The following SEC16B variants were observed in gnomAD, a reference collection of about 807,000 sequenced individuals.
SEC16B encodes the protein protein transport protein Sec16B.
Under a neutral mutation model 141.8 loss-of-function variants are expected in SEC16B, and 115 were observed. The ratio of observed to expected loss-of-function variants is 0.81; its 90% CI spans 0.70 to 0.95. SEC16B has a LOEUF of 0.95. SEC16B is among the 40% of genes least tolerant of loss of function. The pLI, the probability that SEC16B is intolerant of heterozygous loss-of-function variation, is 0.00. For missense variants in SEC16B, 1,291 were observed against 1,312.3 expected (o/e 0.98, Z 0.25); for synonymous variants, 493 against 492.5 (o/e 1.00, Z -0.01).
At chr1:177,952,037 AC>A in intron 11 of SEC16B, 42 bp from the exon 12 acceptor site, 3 of 1,527,342 alleles carry the variant, frequency 2.0e-6, no homozygotes, top group Non-Finnish European at 2.7e-6. Context: ...AGCCCAGGGA[AC>A]CTCTTTACCC....
chr1:177,946,500 G>A lies in SEC16B; in HGVS notation c.1695C>T (p.Phe565=), dbSNP rs989127380. 1 of 1,583,336 alleles carries A rather than the reference G, an allele frequency of 6.3e-7. No individual in the cohort carries two copies. Among genetic ancestry groups the A allele is most frequent in the Non-Finnish European group, 8.6e-7 (1 of 1,165,464 alleles). Residue 565 remains phenylalanine, a synonymous_variant, in exon 14 of 26, where the codon TTC becomes TTT. Transcript: ENST00000308284. ...AGKGLVEAAH[F]CYLMAHVPFG... Reference sequence around the variant, plus strand: ...AGGGCACGTGAGCCATGAGATAGCAGAAGTGAGCTGCCTCCACAAGCCCCT... The same window carrying A: ...AGGGCACGTGAGCCATGAGATAGCAAAAGTGAGCTGCCTCCACAAGCCCCT...
upstream of SEC16B, among the ~76,000 whole-genome samples, chr1:177,971,031 C>G (rs1294291978): frequency 6.6e-6 from 1 of 151,982 alleles, no homozygotes; most frequent in African/African-American, 2.4e-5. Flanking sequence ...CCTCAGCTGA[C>G]TCTAGAACCC....
At position 177,933,558 on chromosome 1, in the gene SEC16B, C is replaced by G; in HGVS notation, c.2650G>C (p.Asp884His). 1 of 1,613,984 alleles carries G rather than the reference C, an allele frequency of 6.2e-7. No homozygotes were observed. The highest frequency in any genetic ancestry group is 8.5e-7 in the Non-Finnish European group (1 of 1,179,872). ...CGGGGAGAGTTTTTATCAGCCTCAT[C>G]AGAGGACTCCTTCTCATCCTCCTTG... ...SAKEDEKESS[D>H]EADKNSPRNT... The change falls in exon 21 of 26, where the codon GAT becomes CAT. Residue 884 changes from aspartate to histidine, a missense_variant. Transcript: ENST00000308284.
At chr1:177,971,429 T>C (rs1226895984), upstream of SEC16B, 2 of 152,162 alleles carry the variant, frequency 1.3e-5, no homozygotes, top group African/African-American at 2.4e-5. Flanking sequence ...GGCTCTCTAA[T>C]GGCTGCACTG....
intron 1 of SEC16B, among the ~76,000 whole-genome samples, chr1:177,983,496 G>A (rs542295036): frequency 6.6e-6 from 1 of 151,488 alleles, no homozygotes; most frequent in African/African-American, 2.4e-5. Flanking sequence ...TTTATGCAGA[G>A]CTGAACATCA....
upstream of SEC16B, among the ~76,000 whole-genome samples, chr1:177,974,009 T>C (rs563337626): frequency 6.6e-6 from 1 of 152,216 alleles, no homozygotes; most frequent in East Asian, 1.9e-4. Flanking sequence ...TATATATATA[T>C]ATGTTTATAA....
At chr1:177,932,648 G>A (rs1255838192) in intron 23 of SEC16B, 50 bp downstream of exon 23, 3 of 1,512,916 alleles carry the variant, frequency 2.0e-6, no homozygotes, top group East Asian at 2.4e-5. Context: ...CCAACCCTTG[G>A]GAGTGCTGAG....
At chr1:177,964,310 G>A in intron 4 of SEC16B, 31 bp from the exon 5 acceptor site, 2 of 1,535,920 alleles carry the variant, frequency 1.3e-6, no homozygotes, top group Non-Finnish European at 1.8e-6. Context: ...CAGTGAGCGG[G>A]GTCCTGGGCA....
chr1:177,933,114 G>A lies in SEC16B; in HGVS notation c.2823+100C>T, dbSNP rs79247037. On this transcript the variant is annotated intron_variant, in intron 22 of 25. Coordinates refer to ENST00000308284, the MANE Select transcript of SEC16B (RefSeq NM_033127.4). ...AAAACCTCTGTCTCATGTGGCCTGG[G>A]GTAGACTCAGGTGCCAGCTCTGAGA... The A allele has an allele frequency of 1.4e-3, 1,261 of 923,760 alleles. 13 individuals are homozygous for A. In the African/African-American group the frequency reaches 0.019, roughly 14 times the overall value. The allele number at this position is 923,760 out of a possible 1,614,324, so 57.2% of individuals were successfully genotyped here. A position where few individuals can be genotyped will look rare whatever the true frequency, so the allele number is the denominator to read the frequency against.
rs980314349 is a variant in SEC16B at position 177,962,944 on chromosome 1, T to C, written c.643-1210A>G. 4.1e-5 allele frequency among the ~76,000 whole-genome samples: 6 copies of C among 145,476 alleles called. 1 individual carries two copies. The highest frequency in any genetic ancestry group is 1.3e-4 in the African/African-American group (5 of 39,462). ...CAACATGGTGAAACCCCATCTCTACTAAAAAATACAAAAATTAGCTGGGCA... is the reference window on the plus strand; with the variant it reads ...CAACATGGTGAAACCCCATCTCTACCAAAAAATACAAAAATTAGCTGGGCA... On this transcript the variant is annotated intron_variant, in intron 5 of 25. Coordinates refer to ENST00000308284, the MANE Select transcript of SEC16B (RefSeq NM_033127.4).
In SEC16B at chr1:177,960,356, T is replaced by A; in HGVS notation, c.984A>T (p.Ser328=). 1 of 1,602,964 alleles carries A rather than the reference T, an allele frequency of 6.2e-7. No individual in the cohort carries two copies. The highest frequency in any genetic ancestry group is 8.5e-7 in the Non-Finnish European group (1 of 1,171,832). ...CAGCACTATACCTAATCAAGGGTCC[T>A]GAGAAACTTCTCATCTCCTCTTGCT... ...SEEQEEMRSF[S]GPLIREDVHK... The change falls in exon 8 of 26, where the codon TCA becomes TCT. Residue 328 remains serine (S), a synonymous_variant. Coordinates refer to ENST00000308284, the MANE Select transcript of SEC16B (RefSeq NM_033127.4).
At position 177,937,248 on chromosome 1, in the gene SEC16B, G is replaced by A. The variant is rs1005919240; in HGVS notation, c.2469C>T (p.Val823=). 5 of 1,613,670 alleles carry A rather than the reference G, an allele frequency of 3.1e-6. No homozygotes were observed. In the African/African-American group the frequency reaches 4.0e-5, roughly 13 times the overall value. ...VAVTEATGGT[V]WEEMLQTHLG... ...GGTGTGTCTGCAGCATTTCCTCCCAGACTGTTCCTCCAGTGGCCTCTGTCA... is the reference window on the plus strand; with the variant it reads ...GGTGTGTCTGCAGCATTTCCTCCCAAACTGTTCCTCCAGTGGCCTCTGTCA... Residue 823 remains valine (V), a synonymous_variant, in exon 19 of 26, where the codon GTC becomes GTT. Transcript: ENST00000308284.
intron 1 of SEC16B, 54 bp from the exon 2 acceptor site, chr1:177,968,093 T>C (rs1653700055): frequency 5.6e-6 from 6 of 1,072,996 alleles, no homozygotes; most frequent in African/African-American, 3.2e-5. Flanking sequence ...TATCCAAACA[T>C]AGTGGTTGAT....
intron 21 of SEC16B, 27 bp from the exon 22 acceptor site, chr1:177,933,339 A>G (rs774129357): frequency 3.2e-6 from 5 of 1,575,256 alleles, no homozygotes; most frequent in Non-Finnish European, 4.3e-6. Flanking sequence ...ACATTTTATG[A>G]CCTGCAGGTT....
intron 19 of SEC16B, among the ~76,000 whole-genome samples, chr1:177,936,572 C>T (rs933560190): frequency 1.3e-5 from 2 of 152,180 alleles, no homozygotes; most frequent in African/African-American, 4.8e-5. Flanking sequence ...TTCAACTCAT[C>T]CTCTACTTCC....
At position 177,940,359 on chromosome 1, in the gene SEC16B, G is replaced by C. The variant is rs1651183763; in HGVS notation, c.2127+251C>G. On this transcript the variant is annotated intron_variant, in intron 17 of 25. Transcript: ENST00000308284. ...AGGGAAGGATGGCAAGAGTGACTGG[G>C]AAGAGCACCCCACCGTGTCACATGC... Among the ~76,000 whole-genome samples, 5 of 152,176 alleles carry C rather than the reference G, an allele frequency of 3.3e-5. No individual in the cohort carries two copies. In the South Asian group the frequency reaches 1.0e-3, roughly 32 times the overall value.
intron 24 of SEC16B, 104 bp downstream of exon 24, chr1:177,932,386 T>C (rs999285861): frequency 8.8e-6 from 7 of 792,016 alleles, no homozygotes; most frequent in Non-Finnish European, 1.3e-5. Flanking sequence ...CAGAGAAGCA[T>C]TCTTCAGGTT....
Position 177,966,554 on chromosome 1 carries a change from T to A in SEC16B, c.300-549A>T, listed in dbSNP as rs904373573. Among the ~76,000 whole-genome samples the A allele has an allele frequency of 7.4e-5, 11 of 148,864 alleles. No homozygotes were observed. In the Admixed American group the frequency reaches 7.5e-4, roughly 10 times the overall value. On this transcript the variant is annotated intron_variant, in intron 2 of 25. Coordinates refer to ENST00000308284, the MANE Select transcript of SEC16B (RefSeq NM_033127.4). The stretch of plus-strand genomic sequence containing the variant: ...GGGGAGAGGAACATCATAATATTAA[T>A]GTTTTTATCAATTAATAATTTTTTT...
rs116802760 is a variant in SEC16B, at chr1:177,948,140, C to T, written c.1546-198G>A. Among the ~76,000 whole-genome samples the T allele has an allele frequency of 5.2e-3, 790 of 152,260 alleles. 9 individuals carry two copies. Among genetic ancestry groups the T allele is most frequent in the African/African-American group, 0.018 (751 of 41,536 alleles). ...TCAGAAGGACACAGATAGACAGATACGTGTACATGCATACATACATACATA... is the reference window on the plus strand; with the variant it reads ...TCAGAAGGACACAGATAGACAGATATGTGTACATGCATACATACATACATA... On this transcript the variant is annotated intron_variant, in intron 12 of 25. Coordinates refer to ENST00000308284, the MANE Select transcript of SEC16B (RefSeq NM_033127.4).
Sources: allele counts gnomAD v4.1 joint callset (sites outside exome capture counted in the v4.1 genomes callset), GRCh38; gene constraint gnomAD v4.1.1; transcripts MANE v1.5; gene names NCBI Gene and HGNC (gene_info 2026-07-23, HGNC 2026-07-21).